Variants in FAM227B observed in about 807,000 individuals in gnomAD.
FAM227B encodes family with sequence similarity 227 member B, also known as protein FAM227B.
Under a neutral mutation model 73.8 loss-of-function variants are expected in FAM227B, and 88 were observed. That is an observed-to-expected ratio of 1.19 (90% CI 1.00 to 1.42). FAM227B has a LOEUF of 1.42. FAM227B is among the 40% of genes most tolerant of loss of function. The pLI is 0.00. For synonymous variants in FAM227B, 210 were observed against 190.5 expected (o/e 1.10, Z -0.84); for missense variants, 632 against 590.9 (o/e 1.07, Z -0.72).
At chr15:49,337,682 C>G (rs1167817464) in intron 13 of FAM227B, among the ~76,000 whole-genome samples, 2 of 151,558 alleles carry the variant, frequency 1.3e-5, no homozygotes, top group Non-Finnish European at 2.9e-5. Context: ...CACAGCCCCA[C>G]CCCCTCAACA....
chr15:49,586,983 G>T (rs1178811898), intron 5 of FAM227B, among the ~76,000 whole-genome samples: 1 of 151,748 alleles, frequency 6.6e-6, no homozygotes, highest in African/African-American at 2.4e-5. Flanking sequence ...ATTTCTGAAA[G>T]AACTCAAAAG....
At chr15:49,484,201 A>T (rs2056202414) in intron 11 of FAM227B, 5 of 689,956 alleles carry the variant, frequency 7.2e-6, no homozygotes, top group Non-Finnish European at 7.2e-6. Context: ...GGGTTAAAAA[A>T]AGTTGTGTAT....
At chr15:49,395,871 A>C in intron 11 of FAM227B, 1 of 450,130 alleles carries the variant, frequency 2.2e-6, no homozygotes, top group Non-Finnish European at 4.4e-6. Flanking sequence ...GAATCTCTCT[A>C]AATTTTCATG....
At chr15:49,579,219 A>G (rs1383964413) in intron 5 of FAM227B, among the ~76,000 whole-genome samples, 2 of 152,206 alleles carry the variant, frequency 1.3e-5, no homozygotes, top group Non-Finnish European at 2.9e-5. Context: ...AAATTAGTAC[A>G]GCTATCATGG....
chr15:49,569,626 T>A (rs2074945649), intron 8 of FAM227B, among the ~76,000 whole-genome samples: 3 of 152,002 alleles, frequency 2.0e-5, no homozygotes, highest in South Asian at 4.1e-4. Context: ...TACTTATAAT[T>A]TGTTGAGGTG....
chr15:49,615,572 G>A (rs1236468672), intron 1 of FAM227B, among the ~76,000 whole-genome samples: 1 of 152,198 alleles, frequency 6.6e-6, no homozygotes. Context: ...CATGTAGGAC[G>A]CATCTGCTTC....
chr15:49,415,826 C>CA (rs1233235027), intron 11 of FAM227B, among the ~76,000 whole-genome samples: 6 of 152,022 alleles, frequency 3.9e-5, no homozygotes, highest in African/African-American at 1.4e-4. Flanking sequence ...GGCATTATGC[C>CA]AAGGGTAAGC....
intron 9 of FAM227B, among the ~76,000 whole-genome samples, chr15:49,550,727 G>A (rs1021064982): frequency 6.6e-5 from 10 of 151,664 alleles, no homozygotes; most frequent in South Asian, 2.1e-4. Context: ...ATGGGATGGC[G>A]ACCGGGAAGA....
At chr15:49,417,911 C>T (rs915968830) in intron 11 of FAM227B, among the ~76,000 whole-genome samples, 1 of 152,076 alleles carries the variant, frequency 6.6e-6, no homozygotes, top group African/African-American at 2.4e-5. Flanking sequence ...AAAATTTTTG[C>T]AAACAATGCA....
At chr15:49,497,140 A>G (rs1436326376) in intron 11 of FAM227B, among the ~76,000 whole-genome samples, 3 of 152,188 alleles carry the variant, frequency 2.0e-5, no homozygotes, top group African/African-American at 7.2e-5. Flanking sequence ...CTCATTTTTC[A>G]GTTGTAAAAA....
chr15:49,476,928 C>T (rs191985338), intron 11 of FAM227B, among the ~76,000 whole-genome samples: 13 of 152,024 alleles, frequency 8.6e-5, no homozygotes, highest in Admixed American at 4.6e-4. Flanking sequence ...GGCGTGGTGG[C>T]GGGTGCCTGT....
chr15:49,454,712 C>T (rs545614435), intron 11 of FAM227B, among the ~76,000 whole-genome samples: 60 of 152,272 alleles, frequency 3.9e-4, no homozygotes, highest in African/African-American at 1.4e-3. Context: ...CGAATTCAAG[C>T]GATTCTCCTG....
chr15:49,460,221 A>G (rs1396987854), intron 11 of FAM227B, among the ~76,000 whole-genome samples: 1 of 152,212 alleles, frequency 6.6e-6, no homozygotes, highest in African/African-American at 2.4e-5. Flanking sequence ...CCTTAAAAAA[A>G]AAGTCCAAAA....
intron 13 of FAM227B, among the ~76,000 whole-genome samples, chr15:49,348,025 A>G (rs2041772924): frequency 6.6e-6 from 1 of 151,314 alleles, no homozygotes; most frequent in African/African-American, 2.4e-5. Flanking sequence ...GTCTCAAAAA[A>G]AAAAAAAAAA....
At chr15:49,531,480 A>T (rs2060604721) in intron 10 of FAM227B, among the ~76,000 whole-genome samples, 1 of 152,040 alleles carries the variant, frequency 6.6e-6, no homozygotes, top group Non-Finnish European at 1.5e-5. Flanking sequence ...ACAACTTGCA[A>T]ATATTTAAAA....
intron 11 of FAM227B, among the ~76,000 whole-genome samples, chr15:49,395,202 T>C (rs2047491840): frequency 6.6e-6 from 1 of 152,212 alleles, no homozygotes; most frequent in Admixed American, 6.5e-5. Context: ...AATAGTTACA[T>C]GGTATTTTCT....
In FAM227B at chr15:49,476,232, G is replaced by GTTTTTTTTTTTTTTTTTTTTTTTTTTTT; in HGVS notation, c.1012+31978_1012+31979insAAAAAAAAAAAAAAAAAAAAAAAAAAAA. ...TTGCTGTTTTGTTTTTTTGTTTTTG[G>GTTTTTTTTTTTTTTTTTTTTTTTTTTTT]TTTTTTTTTTTTTGCATTTGGCATA... On this transcript the variant is annotated intron_variant, in intron 11 of 15. Transcript: ENST00000299338. 2.1e-3 allele frequency among the ~76,000 whole-genome samples: 122 copies of GTTTTTTTTTTTTTTTTTTTTTTTTTTTT among 57,438 alleles called. 24 individuals are homozygous for GTTTTTTTTTTTTTTTTTTTTTTTTTTTT. Among genetic ancestry groups the GTTTTTTTTTTTTTTTTTTTTTTTTTTTT allele is most frequent in the Non-Finnish European group, 3.6e-3 (98 of 27,458 alleles). 37.7% of individuals were successfully genotyped at this position (57,438 alleles called of 152,430 possible).
intron 11 of FAM227B, among the ~76,000 whole-genome samples, chr15:49,474,658 C>A (rs1321826280): frequency 6.6e-6 from 1 of 151,960 alleles, no homozygotes; most frequent in Non-Finnish European, 1.5e-5. Flanking sequence ...GGCTGGGGAC[C>A]GGTACTGGTC....
At chr15:49,330,725 ATAG>A (rs1032859944) in intron 15 of FAM227B, 1 of 151,330 alleles carries the variant, frequency 6.6e-6, no homozygotes, top group East Asian at 1.9e-4. Context: ...GTCCCTATCA[ATAG>A]TAGGGAAGAT....
Sources: allele counts gnomAD v4.1 joint callset (sites outside exome capture counted in the v4.1 genomes callset), GRCh38; gene constraint gnomAD v4.1.1; transcripts MANE v1.5; gene names NCBI Gene and HGNC (gene_info 2026-07-23, HGNC 2026-07-21).